The following NREP variants were observed in gnomAD, a reference collection of about 807,000 sequenced individuals.
NREP encodes the protein neuronal regeneration related protein, also known as neuronal regeneration-related protein.
NREP carries 5 observed loss-of-function variants against 8.6 expected under a neutral mutation model. The observed-to-expected ratio is 0.58, with a 90% CI of 0.30 to 1.22. NREP has a LOEUF of 1.22. Ranked by LOEUF, NREP falls within the 50% of genes most tolerant of loss-of-function variation. NREP has a pLI of 0.07. For missense variants in NREP, 86 were observed against 82.5 expected, an observed-to-expected ratio of 1.04 and a Z score of -0.17; for synonymous variants, 27 against 28.0, an observed-to-expected ratio of 0.96 and a Z score of 0.11.
intron 2 of NREP, among the ~76,000 whole-genome samples, chr5:111,857,963 TA>T (rs768713605): frequency 5.0e-3 from 703 of 140,496 alleles, no homozygotes; most frequent in South Asian, 0.01. Context: ...CAAAGGAGAT[TA>T]AAAAAAAAAA....
intron 2 of NREP, chr5:111,739,347 A>G (rs1021535835): frequency 6.6e-6 from 1 of 152,264 alleles, no homozygotes; most frequent in East Asian, 1.9e-4. Context: ...AATAAGCTCC[A>G]TGCAGGCAAG....
intron 2 of NREP, among the ~76,000 whole-genome samples, chr5:111,881,661 T>C (rs986531909): frequency 1.2e-4 from 18 of 152,128 alleles, no homozygotes; most frequent in African/African-American, 3.9e-4. Flanking sequence ...GACAGCAGCA[T>C]TTGCGGTCCA....
intron 2 of NREP, among the ~76,000 whole-genome samples, chr5:111,962,128 C>A (rs1756497321): frequency 6.6e-6 from 1 of 152,170 alleles, no homozygotes; most frequent in Admixed American, 6.5e-5. Context: ...GTAAATAGTT[C>A]AGTTCCAGTA....
At position 111,730,121 on chromosome 5, in the gene NREP, C is replaced by T. The variant is rs540271585; in HGVS notation, c.*800G>A. Reference sequence around the variant, plus strand: ...ACAGTTTTGTGATTGCTCCCGCTACCGTGACTGCATGTCCGTGAGCGCCAG... The same window carrying T: ...ACAGTTTTGTGATTGCTCCCGCTACTGTGACTGCATGTCCGTGAGCGCCAG... On this transcript the variant is annotated 3_prime_UTR_variant, in exon 4 of 4. Coordinates refer to ENST00000257435, the MANE Select transcript of NREP (RefSeq NM_004772.4). 4 of 152,670 alleles carry T rather than the reference C, an allele frequency of 2.6e-5. No individual in the cohort carries two copies. The highest frequency in any genetic ancestry group is 4.2e-4 in the South Asian group (2 of 4,810). The allele number at this position is 152,670 out of a possible 1,614,324, so 9.5% of individuals were successfully genotyped here.
At chr5:111,951,335 A>G in intron 2 of NREP, among the ~76,000 whole-genome samples, 1 of 152,020 alleles carries the variant, frequency 6.6e-6, no homozygotes, top group Non-Finnish European at 1.5e-5. Context: ...ACATTCTTAT[A>G]TATTTCTATT....
intron 2 of NREP, among the ~76,000 whole-genome samples, chr5:111,863,827 AT>A (rs1407784730): frequency 1.3e-5 from 2 of 152,108 alleles, no homozygotes; most frequent in Admixed American, 6.6e-5. Context: ...TAGAAACTCA[AT>A]GGGGAGCTAT....
intron 2 of NREP, among the ~76,000 whole-genome samples, chr5:111,748,862 T>G (rs1394517670): frequency 1.3e-5 from 2 of 151,810 alleles, no homozygotes; most frequent in African/African-American, 4.8e-5. Flanking sequence ...CCTCGGAGGG[T>G]AGAAAAACAT....
chr5:111,809,542 C>T (rs1581133404), intron 2 of NREP, among the ~76,000 whole-genome samples: 1 of 152,130 alleles, frequency 6.6e-6, no homozygotes, highest in Admixed American at 6.5e-5. Flanking sequence ...TGGATTAGTT[C>T]TTGTGAGAAT....
intron 2 of NREP, among the ~76,000 whole-genome samples, chr5:111,781,781 T>C (rs990252734): frequency 3.9e-5 from 6 of 152,140 alleles, no homozygotes; most frequent in African/African-American, 1.4e-4. Context: ...TCTTTGTACT[T>C]CAAGGGTTCT....
chr5:111,861,678 T>A (rs914158649), intron 2 of NREP, among the ~76,000 whole-genome samples: 1 of 152,198 alleles, frequency 6.6e-6, no homozygotes, highest in Non-Finnish European at 1.5e-5. Flanking sequence ...TTAGGTTATC[T>A]TAGACTCTAG....
chr5:111,823,538 T>G (rs1752556207), intron 2 of NREP, among the ~76,000 whole-genome samples: 1 of 152,200 alleles, frequency 6.6e-6, no homozygotes, highest in African/African-American at 2.4e-5. Flanking sequence ...ATATAAAGAG[T>G]TCAATAAAAA....
At chr5:111,834,432 AACT>A (rs1752846714) in intron 2 of NREP, among the ~76,000 whole-genome samples, 2 of 152,194 alleles carry the variant, frequency 1.3e-5, no homozygotes, top group Non-Finnish European at 2.9e-5. Flanking sequence ...GTTATTTTCA[AACT>A]AATAATATTT....
At chr5:111,811,877 C>G (rs1218543870) in intron 2 of NREP, among the ~76,000 whole-genome samples, 1 of 151,948 alleles carries the variant, frequency 6.6e-6, no homozygotes, top group South Asian at 2.1e-4. Context: ...AAGCAAAGAT[C>G]GGTTTACAAA....
chr5:111,953,592 A>G (rs1426074886), intron 2 of NREP, among the ~76,000 whole-genome samples: 1 of 152,110 alleles, frequency 6.6e-6, no homozygotes, highest in African/African-American at 2.4e-5. Flanking sequence ...TGAGAATACA[A>G]AAAATTTTAA....
chr5:111,916,167 C>A (rs1222477926), intron 2 of NREP, among the ~76,000 whole-genome samples: 1 of 151,852 alleles, frequency 6.6e-6, no homozygotes, highest in Non-Finnish European at 1.5e-5. Flanking sequence ...ATATAGTGAT[C>A]AATATGACTG....
At chr5:111,771,132 A>C (rs1225616257) in intron 2 of NREP, among the ~76,000 whole-genome samples, 1 of 152,216 alleles carries the variant, frequency 6.6e-6, no homozygotes, top group Non-Finnish European at 1.5e-5. Flanking sequence ...ATTTAGAAAT[A>C]ATAAAATGAT....
At chr5:111,757,937 T>TA, upstream of NREP, 1 of 985,398 alleles carries the variant, frequency 1.0e-6, no homozygotes, top group Non-Finnish European at 1.2e-6. Context: ...CGTACTGTAA[T>TA]AATAAACCTG....
chr5:111,738,446 C>CTCT (rs1489832660), intron 2 of NREP: 1 of 152,140 alleles, frequency 6.6e-6, no homozygotes, highest in Non-Finnish European at 1.5e-5. Flanking sequence ...TTTTCTTTGC[C>CTCT]TCTTCTTCTC....
rs1420524178 is a variant in NREP, at chr5:111,822,893, A to G, written c.136-87386T>C. On this transcript the variant is annotated intron_variant, in intron 2 of 3. Coordinates refer to the NREP transcript ENST00000395634. Reference sequence around the variant, plus strand: ...ACATCAACATATCACTGGAATCAATAAATAAGAATCAAGTAAAAATTATAA... The same window carrying G: ...ACATCAACATATCACTGGAATCAATGAATAAGAATCAAGTAAAAATTATAA... 2.6e-5 allele frequency among the ~76,000 whole-genome samples: 4 copies of G among 152,262 alleles called. No homozygotes were observed. The East Asian group carries it at 7.7e-4, about 29-fold the overall frequency.
Sources: gnomAD v4.1 joint callset for allele counts (sites outside exome capture counted in the v4.1 genomes callset) on GRCh38, gnomAD v4.1.1 for gene constraint, MANE v1.5 for transcripts, NCBI Gene and HGNC (gene_info 2026-07-23, HGNC 2026-07-21) for gene names.